The following MKLN1 variants were observed in gnomAD, a reference collection of about 807,000 sequenced individuals.
MKLN1 encodes muskelin.
In MKLN1, 18 loss-of-function variants were observed where a neutral mutation model predicts 99.0. The ratio of observed to expected loss-of-function variants is 0.18; its 90% confidence interval spans 0.13 to 0.27. The LOEUF is 0.27. Among genes scored for constraint, MKLN1 ranks in the 10% least tolerant of loss-of-function variants. The pLI is 1.00. For synonymous variants in MKLN1, 288 were observed against 293.2 expected (o/e 0.98, Z 0.18); for missense variants, 621 against 875.9 (o/e 0.71, Z 3.67).
rs1228739480 is a variant in MKLN1 at position 131,449,345 on chromosome 7, A to AT, written c.1525+3450dup. Among the ~76,000 whole-genome samples, 5 of 152,050 alleles carry AT rather than the reference A, an allele frequency of 3.3e-5. No homozygotes were observed. In the East Asian group the frequency reaches 5.8e-4, roughly 18 times the overall value. ...CTTGTTACAAATGCAAGGAGTTTGG[A>AT]TTTTTTTTCTGAATAAAATAGATTA... On this transcript the variant is annotated intron_variant, in intron 12 of 17. Coordinates refer to ENST00000352689, the MANE Select transcript of MKLN1 (RefSeq NM_013255.5).
chr7:131,285,355 G>T (rs1798116272), intron 3 of MKLN1, among the ~76,000 whole-genome samples: 1 of 152,166 alleles, frequency 6.6e-6, no homozygotes, highest in Non-Finnish European at 1.5e-5. Context: ...CTGGTGTGGG[G>T]CAATGAGACA....
intron 2 of MKLN1, among the ~76,000 whole-genome samples, chr7:131,382,181 A>C (rs1480360366): frequency 6.6e-6 from 1 of 152,096 alleles, no homozygotes; most frequent in Non-Finnish European, 1.5e-5. Flanking sequence ...CCTGGCCAAC[A>C]TGGCGAAACC....
chr7:131,120,392 A>AAC (rs1001523862), intron 1 of MKLN1, among the ~76,000 whole-genome samples: 2 of 144,346 alleles, frequency 1.4e-5, no homozygotes, highest in African/African-American at 5.1e-5. Flanking sequence ...CAAACAAACA[A>AAC]AAAAAAACTA....
At chr7:131,325,899 G>T (rs1798875678), upstream of MKLN1, among the ~76,000 whole-genome samples, 1 of 135,366 alleles carries the variant, frequency 7.4e-6, no homozygotes, top group Admixed American at 7.4e-5. Flanking sequence ...AAGGAGAAAA[G>T]TGGGGGGGGG....
intron 4 of MKLN1, among the ~76,000 whole-genome samples, chr7:131,390,483 C>G (rs1483363751): frequency 1.3e-5 from 2 of 151,866 alleles, no homozygotes; most frequent in Admixed American, 1.3e-4. Flanking sequence ...CCTTTTTTCC[C>G]CTTTCTTTTC....
chr7:131,154,585 C>T (rs897531431), intron 2 of MKLN1, among the ~76,000 whole-genome samples: 3 of 152,076 alleles, frequency 2.0e-5, no homozygotes, highest in Admixed American at 1.3e-4. Context: ...CACTGAAAAA[C>T]CTAGACACAA....
At chr7:131,251,200 C>T (rs1428439646) in intron 3 of MKLN1, among the ~76,000 whole-genome samples, 2 of 151,912 alleles carry the variant, frequency 1.3e-5, no homozygotes, top group African/African-American at 4.8e-5. Flanking sequence ...ACCACCATCA[C>T]CATTATCTAT....
At chr7:131,276,104 A>G (rs1302555171) in intron 3 of MKLN1, among the ~76,000 whole-genome samples, 1 of 152,248 alleles carries the variant, frequency 6.6e-6, no homozygotes, top group African/African-American at 2.4e-5. Context: ...AGAACGAGAC[A>G]GGCAGGACAG....
In MKLN1 at chr7:131,227,493, TTC is replaced by T. The variant is rs776087279; in HGVS notation, c.-179+24523_-179+24524del. Among the ~76,000 whole-genome samples the T allele has an allele frequency of 9.7e-3, 727 of 74,744 alleles. 6 individuals are homozygous for T. The highest frequency in any genetic ancestry group is 0.025 in the African/African-American group (508 of 20,516). 49.0% of individuals were successfully genotyped at this position (74,744 alleles called of 152,430 possible). A position where few individuals can be genotyped will look rare whatever the true frequency, so the allele number is the denominator to read the frequency against. The stretch of plus-strand genomic sequence containing the variant: ...TTTCTTTCTCTCTTTCTCTCTTTCT[TTC>T]TCTTTCTTTCTTTCTTTCTTTCTTT... On this transcript the variant is annotated intron_variant, in intron 3 of 7. Coordinates refer to the MKLN1 transcript ENST00000416992.
intron 2 of MKLN1, among the ~76,000 whole-genome samples, chr7:131,146,878 T>A (rs1282131814): frequency 6.6e-6 from 1 of 152,172 alleles, no homozygotes; most frequent in East Asian, 1.9e-4. Context: ...TTGGAGGATG[T>A]GCTGTCAGTG....
chr7:131,275,811 A>G (rs1220225586), intron 3 of MKLN1, among the ~76,000 whole-genome samples: 1 of 151,776 alleles, frequency 6.6e-6, no homozygotes, highest in East Asian at 1.9e-4. Flanking sequence ...GATTACTGAT[A>G]AAGGCTGTTT....
chr7:131,181,312 A>G (rs1395597850), intron 2 of MKLN1, among the ~76,000 whole-genome samples: 1 of 152,252 alleles, frequency 6.6e-6, no homozygotes, highest in Non-Finnish European at 1.5e-5. Context: ...TAAAATTATT[A>G]TAGAAAACTA....
intron 1 of MKLN1, among the ~76,000 whole-genome samples, chr7:131,341,759 T>C (rs1799414114): frequency 6.6e-6 from 1 of 152,234 alleles, no homozygotes; most frequent in Non-Finnish European, 1.5e-5. Context: ...ACAGTGATTC[T>C]CATAAGGAGC....
intron 1 of MKLN1, among the ~76,000 whole-genome samples, chr7:131,374,418 T>G (rs745781495): frequency 6.6e-6 from 1 of 152,162 alleles, no homozygotes. Flanking sequence ...AACACAAGTT[T>G]GCACTGATGT....
At chr7:131,320,724 A>C (rs1056332864) in intron 3 of MKLN1, among the ~76,000 whole-genome samples, 1 of 152,198 alleles carries the variant, frequency 6.6e-6, no homozygotes, top group Non-Finnish European at 1.5e-5. Flanking sequence ...AACTTAAACA[A>C]ATTTTCAAGA....
At chr7:131,297,623 T>C (rs1798312968) in intron 3 of MKLN1, among the ~76,000 whole-genome samples, 1 of 152,204 alleles carries the variant, frequency 6.6e-6, no homozygotes, top group Non-Finnish European at 1.5e-5. Flanking sequence ...TATGGTCATG[T>C]ATTACTTTTA....
At chr7:131,442,618 A>G (rs1795872795) in intron 10 of MKLN1, among the ~76,000 whole-genome samples, 1 of 152,244 alleles carries the variant, frequency 6.6e-6, no homozygotes, top group Non-Finnish European at 1.5e-5. Flanking sequence ...GTAATCTGGT[A>G]GGAGAATTGA....
intron 8 of MKLN1, among the ~76,000 whole-genome samples, chr7:131,418,428 C>A (rs1259980694): frequency 6.6e-6 from 1 of 150,930 alleles, no homozygotes; most frequent in East Asian, 1.9e-4. Flanking sequence ...CTTTTGGCTT[C>A]CCTGGGCCAC....
In MKLN1 at chr7:131,287,142, G is replaced by T. The variant is rs116162307; in HGVS notation, c.-179+84168G>T. On this transcript the variant is annotated intron_variant, in intron 3 of 7. Coordinates refer to the MKLN1 transcript ENST00000416992. ...AAAAAGTACCAAAGGGAATATAAAA[G>T]GCAGGCAAAAGAATGTCCAGCTAAA... Among the ~76,000 whole-genome samples the T allele has an allele frequency of 6.8e-3, 1,041 of 152,246 alleles. 12 individuals are homozygous for T. The highest frequency in any genetic ancestry group is 0.024 in the African/African-American group (985 of 41,536).
Sources: gnomAD v4.1 joint callset for allele counts (sites outside exome capture counted in the v4.1 genomes callset) on GRCh38, gnomAD v4.1.1 for gene constraint, MANE v1.5 for transcripts, NCBI Gene and HGNC (gene_info 2026-07-23, HGNC 2026-07-21) for gene names.